CA5A: variants seen among roughly 807,000 people sequenced by gnomAD.
The protein encoded by CA5A is carbonic anhydrase 5A, mitochondrial.
In CA5A, 28 loss-of-function variants were observed where a neutral mutation model predicts 37.1. The observed-to-expected ratio is 0.75, with a 90% CI of 0.56 to 1.03. The LOEUF is 1.03. CA5A is among the 50% of genes least tolerant of loss of function. The pLI, the probability that CA5A is intolerant of heterozygous loss-of-function variation, is 0.00. For missense variants in CA5A, 444 were observed against 399.9 expected, an observed-to-expected ratio of 1.11 and a Z score of -0.94; for synonymous variants, 171 against 158.4, an observed-to-expected ratio of 1.08 and a Z score of -0.60.
intron 5 of CA5A, among the ~76,000 whole-genome samples, chr16:87,894,833 G>A (rs1222024709): frequency 2.6e-5 from 4 of 151,870 alleles, no homozygotes; most frequent in Non-Finnish European, 5.9e-5. Context: ...GAGCCGAGAT[G>A]GCACCATTGC....
intron 2 of CA5A, among the ~76,000 whole-genome samples, chr16:87,923,115 T>C (rs1181123477): frequency 6.6e-6 from 1 of 152,250 alleles, no homozygotes; most frequent in African/African-American, 2.4e-5. Flanking sequence ...CTTCATTTGT[T>C]CTTACGTAAA....
intron 2 of CA5A, among the ~76,000 whole-genome samples, chr16:87,917,515 C>T (rs1191150911): frequency 6.6e-6 from 1 of 152,172 alleles, no homozygotes; most frequent in Admixed American, 6.5e-5. Flanking sequence ...ACCTAACTTC[C>T]CCAAAAATAT....
chr16:87,900,397 G>A (rs1227168839), intron 5 of CA5A, among the ~76,000 whole-genome samples: 1 of 152,210 alleles, frequency 6.6e-6, no homozygotes, highest in African/African-American at 2.4e-5. Flanking sequence ...CCAGCATCAA[G>A]GCGAAGGCCA....
At chr16:87,933,757 A>G (rs2056437097) in intron 1 of CA5A, among the ~76,000 whole-genome samples, 1 of 152,200 alleles carries the variant, frequency 6.6e-6, no homozygotes, top group Non-Finnish European at 1.5e-5. Flanking sequence ...TGATTTTTCA[A>G]TAATTTTTAG....
At chr16:87,885,116 T>C (rs2055638521), downstream of CA5A, 1 of 156,056 alleles carries the variant, frequency 6.4e-6, no homozygotes, top group Admixed American at 6.5e-5. Flanking sequence ...TGAGCCAAGA[T>C]TGCGCCACTG....
At chr16:87,908,933 A>G (rs1021369912) in intron 2 of CA5A, among the ~76,000 whole-genome samples, 1 of 151,306 alleles carries the variant, frequency 6.6e-6, no homozygotes, top group African/African-American at 2.4e-5. Flanking sequence ...CTCCTGCCTC[A>G]CTGCCTCAGC....
downstream of CA5A, chr16:87,883,532 G>A (rs895187890): frequency 4.1e-5 from 6 of 146,562 alleles, no homozygotes; most frequent in South Asian, 4.4e-4. Flanking sequence ...GGGTTTCACC[G>A]TGTTAGCCAG....
intron 2 of CA5A, among the ~76,000 whole-genome samples, chr16:87,917,615 GCA>G (rs113316539): frequency 2.0e-5 from 3 of 150,730 alleles, no homozygotes; most frequent in African/African-American, 4.9e-5. Flanking sequence ...CCACACATGT[GCA>G]CACACAAACA....
At chr16:87,921,159 C>T (rs1027354284) in intron 2 of CA5A, among the ~76,000 whole-genome samples, 7 of 151,918 alleles carry the variant, frequency 4.6e-5, no homozygotes, top group African/African-American at 1.7e-4. Flanking sequence ...GAACTCCTGA[C>T]CTCAAGCAAT....
rs2056044543 is a variant in CA5A, at chr16:87,911,116, A to G, written c.341-6212T>C. On this transcript the variant is annotated intron_variant, in intron 2 of 6. Transcript: ENST00000649794. This position sits in a 1 kb window ranked among gnomAD's most constrained non-coding sequence, Gnocchi z 4.6. ...TCCTTAATCAAAAAAAAAAAAAAAAAAAAAGGCAAGCCCAATTCACGAAAA... is the reference window on the plus strand; with the variant it reads ...TCCTTAATCAAAAAAAAAAAAAAAAGAAAAGGCAAGCCCAATTCACGAAAA... Among the ~76,000 whole-genome samples, 1 of 145,004 alleles carries G rather than the reference A, an allele frequency of 6.9e-6. No individual in the cohort carries two copies. The highest frequency in any genetic ancestry group is 1.5e-5 in the Non-Finnish European group (1 of 66,462).
chr16:87,922,694 T>C (rs1378972583), intron 2 of CA5A, among the ~76,000 whole-genome samples: 1 of 152,262 alleles, frequency 6.6e-6, no homozygotes, highest in Non-Finnish European at 1.5e-5. Flanking sequence ...CTGCCGGCTC[T>C]CCTGGGGACC....
At chr16:87,918,742 T>C (rs2056190292) in intron 2 of CA5A, among the ~76,000 whole-genome samples, 1 of 152,174 alleles carries the variant, frequency 6.6e-6, no homozygotes, top group Admixed American at 6.5e-5. Context: ...TTCTTCTCTG[T>C]TTCTCTCTGA....
intron 5 of CA5A, among the ~76,000 whole-genome samples, chr16:87,899,032 G>C (rs549115563): frequency 1.3e-5 from 2 of 152,178 alleles, no homozygotes; most frequent in East Asian, 1.9e-4. Flanking sequence ...ACCATACCTG[G>C]GCTACTGTGG....
intron 1 of CA5A, among the ~76,000 whole-genome samples, chr16:87,934,124 C>T (rs1260508235): frequency 1.3e-5 from 2 of 152,266 alleles, no homozygotes; most frequent in Non-Finnish European, 2.9e-5. Flanking sequence ...CAGCAGCTGG[C>T]GTCTAGCAAG....
intron 2 of CA5A, among the ~76,000 whole-genome samples, chr16:87,913,159 A>G (rs1177541952): frequency 1.3e-5 from 2 of 151,954 alleles, no homozygotes; most frequent in Non-Finnish European, 2.9e-5. Flanking sequence ...TTGTATTATT[A>G]CCAGAGACAG....
chr16:87,936,171 T>TAAAAA (rs57177923), intron 1 of CA5A, 138 bp downstream of exon 1: 40 of 435,718 alleles, frequency 9.2e-5, no homozygotes, highest in South Asian at 1.6e-4. Flanking sequence ...GACGCCATCT[T>TAAAAA]AAAAAAAAAA....
intron 2 of CA5A, among the ~76,000 whole-genome samples, chr16:87,912,179 G>A (rs1242607471): frequency 1.3e-5 from 2 of 152,134 alleles, no homozygotes; most frequent in African/African-American, 2.4e-5. Flanking sequence ...GCACGCGACT[G>A]TAGTGCCAGC....
chr16:87,882,510 C>T (rs2055616314), intron 4 of CA5A: 2 of 152,200 alleles, frequency 1.3e-5, no homozygotes, highest in Admixed American at 6.5e-5. Flanking sequence ...ATGGGAGTGC[C>T]GTGGCCCTTA....
intron 2 of CA5A, chr16:87,924,216 G>C: frequency 2.0e-6 from 2 of 985,454 alleles, no homozygotes; most frequent in Non-Finnish European, 2.4e-6. Flanking sequence ...GCTGGAGTTG[G>C]GGTTACTGCT....
Sources: allele counts gnomAD v4.1 joint callset (sites outside exome capture counted in the v4.1 genomes callset), GRCh38; gene constraint gnomAD v4.1.1; non-coding constraint Gnocchi (gnomAD v3.1); transcripts MANE v1.5; gene names NCBI Gene and HGNC (gene_info 2026-07-23, HGNC 2026-07-21).